The following CTBP1 variants were observed in gnomAD, a reference collection of about 807,000 sequenced individuals.
CTBP1 encodes C-terminal-binding protein 1.
Under a neutral mutation model 42.1 loss-of-function variants are expected in CTBP1, and 11 were observed. The ratio of observed to expected loss-of-function variants is 0.26; its 90% confidence interval spans 0.16 to 0.43. The LOEUF (loss-of-function observed/expected upper bound fraction) is 0.43, where lower values mean the gene tolerates loss of function less well. CTBP1 is among the 20% of genes least tolerant of loss of function. The pLI, the probability that CTBP1 is intolerant of heterozygous loss-of-function variation, is 1.00. For missense variants in CTBP1, 399 were observed against 624.3 expected (o/e 0.64, Z 3.85); for synonymous variants, 324 against 277.1 (o/e 1.17, Z -1.68).
chr4:1,245,536 G>A, intron 1 of CTBP1: 1 of 985,322 alleles, frequency 1.0e-6, no homozygotes. Flanking sequence ...CCACACCACA[G>A]ACGGGCGGCA....
At chr4:1,234,730 T>C (rs903469752) in intron 3 of CTBP1, 1 of 152,232 alleles carries the variant, frequency 6.6e-6, no homozygotes, top group African/African-American at 2.4e-5. Context: ...GCATCTTTAA[T>C]ACAAATCCAG....
chr4:1,215,865 C>T lies in CTBP1; in HGVS notation c.729+126G>A, dbSNP rs1304967288. 1.6e-5 allele frequency: 17 copies of T among 1,043,438 alleles called. No individual in the cohort carries two copies. The East Asian group carries it at 2.6e-4, about 16-fold the overall frequency. The allele number at this position is 1,043,438 out of a possible 1,614,324, so 64.6% of individuals were successfully genotyped here. A position where few individuals can be genotyped will look rare whatever the true frequency, so the allele number is the denominator to read the frequency against. ...TTCCCCCAGCAGGGCTGGCAGCCGC[C>T]GCCATGTGGCTCGCTGAAGGCAGGG... On this transcript the variant is annotated intron_variant, in intron 6 of 9. Coordinates refer to ENST00000382952, the MANE Select transcript of CTBP1 (RefSeq NM_001012614.2).
intron 5 of CTBP1, among the ~76,000 whole-genome samples, chr4:1,220,417 G>C (rs1410905344): frequency 2.0e-5 from 3 of 152,152 alleles, no homozygotes; most frequent in Non-Finnish European, 4.4e-5. Flanking sequence ...GTTAAGAAAA[G>C]TTAAAATAAA....
intron 1 of CTBP1, chr4:1,245,583 G>A (rs536210956): frequency 5.1e-6 from 5 of 982,348 alleles, no homozygotes; most frequent in South Asian, 4.8e-5. Context: ...TGACACGGGC[G>A]GCAGGGAAGA....
Position 1,238,961 on chromosome 4 carries a change from C to G in CTBP1, c.8-624G>C, listed in dbSNP as rs575743218. ...CTGCCTGGGCTACCGCGTGGCTGCC[C>G]GGAATCCCTGATGGGGTCACCAGTG... On this transcript the variant is annotated intron_variant, in intron 2 of 9. Coordinates refer to ENST00000382952, the MANE Select transcript of CTBP1 (RefSeq NM_001012614.2). This position sits in a 1 kb window ranked among gnomAD's most constrained non-coding sequence, Gnocchi z 5.9. 6.6e-6 allele frequency among the ~76,000 whole-genome samples: 1 copy of G among 152,156 alleles called. No homozygotes were observed. The highest frequency in any genetic ancestry group is 1.5e-5 in the Non-Finnish European group (1 of 68,024).
chr4:1,212,498 G>A (rs757925809), intron 9 of CTBP1, 75 bp from the exon 10 acceptor site: 209 of 1,290,532 alleles, frequency 1.6e-4, no homozygotes, highest in Middle Eastern at 2.8e-4. Flanking sequence ...TCCTAGCATC[G>A]GCAGCACCGA....
rs1733091053 is a variant in CTBP1, at chr4:1,249,082, G to A, written c.-355C>T. 2 of 294,678 alleles carry A rather than the reference G, an allele frequency of 6.8e-6. No homozygotes were observed. Among genetic ancestry groups the A allele is most frequent in the Admixed American group, 6.7e-5 (1 of 14,830 alleles). The allele number at this position is 294,678 out of a possible 1,614,324, so 18.3% of individuals were successfully genotyped here. A position where few individuals can be genotyped will look rare whatever the true frequency, so the allele number is the denominator to read the frequency against. On this transcript the variant is annotated 5_prime_UTR_variant, in exon 1 of 10. Transcript: ENST00000382952. Reference sequence around the variant, plus strand: ...CCCGCCTGCGCCTGGCCGCCGCCGTGCCGAGTCTCCGCCGCGCCGCTGAGC... The same window carrying A: ...CCCGCCTGCGCCTGGCCGCCGCCGTACCGAGTCTCCGCCGCGCCGCTGAGC...
At chr4:1,248,860 A>ACCCCC in intron 1 of CTBP1, 56 bp downstream of exon 1, 2 of 562,298 alleles carry the variant, frequency 3.6e-6, no homozygotes, top group Non-Finnish European at 2.2e-6. Flanking sequence ...CCCGCGCGGC[A>ACCCCC]CCCGCCCCGC....
intron 2 of CTBP1, among the ~76,000 whole-genome samples, chr4:1,241,084 C>T (rs1205594915): frequency 6.6e-6 from 1 of 152,224 alleles, no homozygotes. Flanking sequence ...CAGAAACAGA[C>T]AGCAGATGCC....
At chr4:1,246,113 G>A (rs920106510) in intron 1 of CTBP1, among the ~76,000 whole-genome samples, 2 of 152,184 alleles carry the variant, frequency 1.3e-5, no homozygotes, top group Non-Finnish European at 2.9e-5. Context: ...GGTCAGTGAC[G>A]CAGGTGGCAC....
upstream of CTBP1, chr4:1,249,255 G>T (rs1733105883): frequency 6.7e-6 from 1 of 148,716 alleles, no homozygotes; most frequent in Admixed American, 6.7e-5. Flanking sequence ...GCGGGGCGGG[G>T]CGGGGCGGGA....
At position 1,225,410 on chromosome 4, in the gene CTBP1, G is replaced by T; in HGVS notation, c.464C>A (p.Ala155Glu). 1 of 1,565,996 alleles carries T rather than the reference G, an allele frequency of 6.4e-7. No homozygotes were observed. The highest frequency in any genetic ancestry group is 8.6e-7 in the Non-Finnish European group (1 of 1,160,342). ...VQSVEQIREV[A>E]SGAARIRGET... The stretch of plus-strand genomic sequence containing the variant: ...CCCGCGGATCCTGGCAGCGCCGGAC[G>T]CCACCTCGCGGATCTGCTCGACGCT... Residue 155 changes from alanine to glutamate, a missense_variant, in exon 5 of 10, where the codon GCG (alanine) becomes GAG (glutamate). Physicochemically the swap from Ala to Glu is moderately radical, Grantham distance 107. Transcript: ENST00000382952.
chr4:1,242,225 A>G, intron 1 of CTBP1: 1 of 985,416 alleles, frequency 1.0e-6, no homozygotes, highest in African/African-American at 1.7e-5. Context: ...CAAGCCTTCC[A>G]GTAGAGGCTT....
chr4:1,213,147 C>T lies in CTBP1; in HGVS notation c.989-117G>A, dbSNP rs1728720173. On this transcript the variant is annotated intron_variant, in intron 8 of 9. Coordinates refer to ENST00000382952, the MANE Select transcript of CTBP1 (RefSeq NM_001012614.2). ...TGGCAGTGTGCTCCTCCCTCTCAGCCCCGGGGCTCCCAAGGCACGGCAGGG... is the reference window on the plus strand; with the variant it reads ...TGGCAGTGTGCTCCTCCCTCTCAGCTCCGGGGCTCCCAAGGCACGGCAGGG... 2.1e-5 allele frequency: 20 copies of T among 933,126 alleles called. 1 individual carries two copies. In the South Asian group the frequency reaches 3.1e-4, roughly 14 times the overall value. The allele number at this position is 933,126 out of a possible 1,614,324, so 57.8% of individuals were successfully genotyped here. A position where few individuals can be genotyped will look rare whatever the true frequency, so the allele number is the denominator to read the frequency against.
chr4:1,226,715 C>T (rs1454358662), intron 4 of CTBP1, among the ~76,000 whole-genome samples: 3 of 151,698 alleles, frequency 2.0e-5, no homozygotes, highest in Non-Finnish European at 4.4e-5. Context: ...GGCATGCACC[C>T]GACACCACAC....
Position 1,216,155 on chromosome 4 carries a change from C to A in CTBP1, c.565G>T (p.Val189Leu), listed in dbSNP as rs1181562737. 3 of 1,610,890 alleles carry A rather than the reference C, an allele frequency of 1.9e-6. No individual in the cohort carries two copies. The African/African-American group carries it at 4.0e-5, about 22-fold the overall frequency. ...ALRAKAFGFNVLFYDPYLSDG... is the reference protein window; with the variant it reads ...ALRAKAFGFNLLFYDPYLSDG... ...GACAAGTAAGGGTCGTAGAAGAGCA[C>A]GTTGAAGCCGAAGGCCTTGGCCCGC... Residue 189 changes from valine (V) to leucine (L), a missense_variant, in exon 6 of 10, where the codon GTG becomes TTG. This residue lies in a region of CTBP1 where 309 missense variants were observed against 497.5 expected (regional missense o/e 0.62). Coordinates refer to ENST00000382952, the MANE Select transcript of CTBP1 (RefSeq NM_001012614.2).
At chr4:1,225,016 A>G (rs1044136067) in intron 5 of CTBP1, among the ~76,000 whole-genome samples, 8 of 150,210 alleles carry the variant, frequency 5.3e-5, no homozygotes, top group African/African-American at 1.5e-4. Flanking sequence ...CTATGTGCCC[A>G]TGAAGCCCAT....
chr4:1,224,050 C>T (rs542299700), intron 5 of CTBP1, among the ~76,000 whole-genome samples: 33 of 152,266 alleles, frequency 2.2e-4, no homozygotes, highest in African/African-American at 7.5e-4. Context: ...AGGAAGCCCA[C>T]GGCTGCCCGA....
upstream of CTBP1, chr4:1,249,491 C>CGCCGCAGCCGCAGCCGCA (rs142904753): frequency 0.27 from 42,906 of 157,868 alleles, 7,233 homozygotes; most frequent in Middle Eastern, 0.44. Flanking sequence ...CGCTCCTCCG[C>CGCCGCAGCCGCAGCCGCA]GCCGCAGCCG....
Sources: gnomAD v4.1 joint callset for allele counts (sites outside exome capture counted in the v4.1 genomes callset) on GRCh38, gnomAD v4.1.1 for gene constraint, gnomAD v4.1.1 regional missense constraint, Gnocchi (gnomAD v3.1) non-coding constraint, MANE v1.5 for transcripts, NCBI Gene and HGNC (gene_info 2026-07-23, HGNC 2026-07-21) for gene names.